EYS: variants seen among roughly 807,000 people sequenced by gnomAD.
EYS encodes the protein EGF-like photoreceptor maintenance factor, also known as protein eyes shut homolog.
In EYS, 250 loss-of-function variants were observed where a neutral mutation model predicts 282.1. The observed-to-expected ratio is 0.89, with a 90% CI of 0.80 to 0.98. EYS has a LOEUF of 0.98. EYS is among the 50% of genes least tolerant of loss of function. The pLI is 0.00. For synonymous variants in EYS, 1,355 were observed against 1,282.9 expected (o/e 1.06, Z -1.20); for missense variants, 4,016 against 3,709.0 (o/e 1.08, Z -2.15).
intron 5 of EYS, among the ~76,000 whole-genome samples, chr6:65,472,810 T>C (rs1765262997): frequency 6.6e-6 from 1 of 151,992 alleles, no homozygotes; most frequent in Non-Finnish European, 1.5e-5. Context: ...AATTCCTAGG[T>C]TGGTTCTTGT....
intron 37 of EYS, chr6:63,798,107 G>A (rs772348424): frequency 1.3e-5 from 2 of 152,100 alleles, no homozygotes; most frequent in South Asian, 4.1e-4. Flanking sequence ...TGAAATCAAG[G>A]TTACCCACTT....
chr6:64,267,159 T>G (rs528633739), intron 30 of EYS, among the ~76,000 whole-genome samples: 4 of 152,168 alleles, frequency 2.6e-5, no homozygotes, highest in Non-Finnish European at 5.9e-5. Context: ...TATGCTTCCA[T>G]GAAATTTATT....
intron 36 of EYS, among the ~76,000 whole-genome samples, chr6:63,846,112 T>A (rs1351377714): frequency 6.6e-6 from 1 of 152,206 alleles, no homozygotes; most frequent in East Asian, 1.9e-4. Context: ...AAATATGTAC[T>A]TCCTAAACAT....
chr6:64,999,548 T>C (rs192012096), intron 13 of EYS, among the ~76,000 whole-genome samples: 128 of 152,278 alleles, frequency 8.4e-4, no homozygotes, highest in Admixed American at 2.1e-3. Flanking sequence ...CACTCCTGCC[T>C]TTATGCCAGA....
chr6:65,123,858 A>T (rs980016161), intron 12 of EYS, among the ~76,000 whole-genome samples: 13 of 152,088 alleles, frequency 8.5e-5, no homozygotes, highest in African/African-American at 3.1e-4. Context: ...GAAATGGTGA[A>T]AACAGTCACT....
At chr6:63,785,335 C>T (rs1770334539) in intron 39 of EYS, among the ~76,000 whole-genome samples, 1 of 152,158 alleles carries the variant, frequency 6.6e-6, no homozygotes, top group Non-Finnish European at 1.5e-5. Flanking sequence ...ACCAGTTTTA[C>T]TTGTTTCTTC....
intron 26 of EYS, among the ~76,000 whole-genome samples, chr6:64,564,534 G>A (rs1310107908): frequency 6.6e-6 from 1 of 151,826 alleles, no homozygotes; most frequent in Non-Finnish European, 1.5e-5. Flanking sequence ...GTCCACCTCC[G>A]CCTCCCAAAG....
chr6:64,877,837 A>G (rs895576271), intron 19 of EYS, among the ~76,000 whole-genome samples: 1 of 152,224 alleles, frequency 6.6e-6, no homozygotes, highest in Non-Finnish European at 1.5e-5. Context: ...CAAAAACAAA[A>G]TGAGGAAAAG....
intron 22 of EYS, among the ~76,000 whole-genome samples, chr6:64,662,187 A>C (rs2149889037): frequency 7.2e-6 from 1 of 139,666 alleles, no homozygotes; most frequent in Middle Eastern, 3.8e-3. Flanking sequence ...GAACAATGAG[A>C]ACACATGGAC....
At chr6:65,016,582 T>C (rs1157000662) in intron 13 of EYS, among the ~76,000 whole-genome samples, 1 of 152,188 alleles carries the variant, frequency 6.6e-6, no homozygotes, top group Non-Finnish European at 1.5e-5. Context: ...AGAGGCATCA[T>C]GTAGGATATG....
At chr6:64,905,637 T>C (rs1257873193) in intron 16 of EYS, among the ~76,000 whole-genome samples, 3 of 152,204 alleles carry the variant, frequency 2.0e-5, no homozygotes, top group Non-Finnish European at 4.4e-5. Context: ...AAGATCTGCA[T>C]CAGTCTGGAT....
chr6:64,460,491 T>C (rs3857529), intron 26 of EYS, among the ~76,000 whole-genome samples: 42,198 of 152,090 alleles, frequency 0.28, 5,990 homozygotes, highest in East Asian at 0.47. Context: ...TTTCCAGATA[T>C]GTTGCTGCTT....
chr6:64,676,200 G>C (rs540141025), intron 22 of EYS, among the ~76,000 whole-genome samples: 1 of 148,258 alleles, frequency 6.7e-6, no homozygotes, highest in Non-Finnish European at 1.5e-5. Context: ...AACTTTCTAA[G>C]AGACCATAGT....
intron 15 of EYS, among the ~76,000 whole-genome samples, chr6:64,940,703 C>CT (rs553873457): frequency 2.2e-4 from 34 of 151,690 alleles, no homozygotes; most frequent in Non-Finnish European, 3.5e-4. Context: ...ATTTATTTAT[C>CT]TTTTTTTTGT....
Position 63,721,413 on chromosome 6 carries a change from T to C in EYS, c.8618A>G (p.Asp2873Gly), listed in dbSNP as rs1554163939. ...GTACCCACAGGCTGTCCCATCACAG[T>C]CACCTACATTTGAGCCACCTTTTGC... ...FGAKGGSNVG[D>G]CDGTACGYNT... Residue 2873 changes from aspartate to glycine, a missense_variant, in exon 43 of 43, where the codon GAC becomes GGC. Coordinates refer to ENST00000503581, the MANE Select transcript of EYS (RefSeq NM_001142800.2). The C allele has an allele frequency of 5.2e-6, 8 of 1,551,736 alleles. No homozygotes were observed. The highest frequency in any genetic ancestry group is 7.0e-6 in the Non-Finnish European group (8 of 1,146,950).
At chr6:65,129,444 A>C (rs1199476523) in intron 12 of EYS, among the ~76,000 whole-genome samples, 1 of 152,010 alleles carries the variant, frequency 6.6e-6, no homozygotes, top group Non-Finnish European at 1.5e-5. Flanking sequence ...AGAATCTATA[A>C]GAAATTTGAA....
At chr6:64,921,360 A>G (rs1768342203) in intron 15 of EYS, among the ~76,000 whole-genome samples, 1 of 152,340 alleles carries the variant, frequency 6.6e-6, no homozygotes, top group African/African-American at 2.4e-5. Context: ...AAAAATTTAA[A>G]TAACACTCAA....
At chr6:64,677,023 GA>G (rs1769713149) in intron 22 of EYS, among the ~76,000 whole-genome samples, 1 of 152,106 alleles carries the variant, frequency 6.6e-6, no homozygotes, top group Non-Finnish European at 1.5e-5. Flanking sequence ...AAAACAAGCG[GA>G]AGACACTTTA....
chr6:64,866,656 T>TAA (rs3065300), intron 19 of EYS, among the ~76,000 whole-genome samples: 108,368 of 151,338 alleles, frequency 0.72, 39,123 homozygotes, highest in Admixed American at 0.76. Context: ...ACCATTGAAT[T>TAA]GTTATTAGAT....
Sources: gnomAD v4.1 joint callset for allele counts (sites outside exome capture counted in the v4.1 genomes callset) on GRCh38, gnomAD v4.1.1 for gene constraint, MANE v1.5 for transcripts, NCBI Gene and HGNC (gene_info 2026-07-23, HGNC 2026-07-21) for gene names.